SLC4A4: variants seen among roughly 807,000 people sequenced by gnomAD.
SLC4A4 encodes the protein electrogenic sodium bicarbonate cotransporter 1.
Under a neutral mutation model 111.5 loss-of-function variants are expected in SLC4A4, and 27 were observed. The observed-to-expected ratio is 0.24, with a 90% CI of 0.18 to 0.33. The LOEUF (loss-of-function observed/expected upper bound fraction) is 0.33, where lower values mean the gene tolerates loss of function less well. Among genes scored for constraint, SLC4A4 ranks in the 10% least tolerant of loss-of-function variants. The pLI is 1.00. For synonymous variants in SLC4A4, 443 were observed against 463.4 expected (o/e 0.96, Z 0.57); for missense variants, 909 against 1,315.5 (o/e 0.69, Z 4.78).
chr4:71,475,251 C>T (rs915135722), intron 14 of SLC4A4, among the ~76,000 whole-genome samples: 3 of 151,740 alleles, frequency 2.0e-5, no homozygotes, highest in Non-Finnish European at 4.4e-5. Context: ...TAATGTCAAC[C>T]CCATACCTAC....
intron 2 of SLC4A4, among the ~76,000 whole-genome samples, chr4:71,180,536 G>C (rs924993542): frequency 6.6e-6 from 1 of 152,130 alleles, no homozygotes; most frequent in Non-Finnish European, 1.5e-5. Context: ...CAAAAAGTGG[G>C]CAAAGGATAT....
intron 15 of SLC4A4, among the ~76,000 whole-genome samples, chr4:71,492,780 C>T (rs1730055576): frequency 6.6e-6 from 1 of 151,906 alleles, no homozygotes; most frequent in South Asian, 2.1e-4. Context: ...ACTCCTGCTG[C>T]CCTTTGAATA....
intron 23 of SLC4A4, 91 bp from the exon 24 acceptor site, chr4:71,563,702 T>C (rs1362329422): frequency 6.4e-5 from 54 of 842,168 alleles, no homozygotes; most frequent in Non-Finnish European, 1.1e-4. Context: ...AGTATGTAAA[T>C]GATTATAGAA....
chr4:71,425,914 A>G (rs546720796), intron 7 of SLC4A4, among the ~76,000 whole-genome samples: 1 of 152,210 alleles, frequency 6.6e-6, no homozygotes, highest in African/African-American at 2.4e-5. Context: ...TAGCAGACTT[A>G]AAAAGGTGCC....
chr4:71,479,631 T>C (rs891383784), intron 14 of SLC4A4, among the ~76,000 whole-genome samples: 4 of 151,730 alleles, frequency 2.6e-5, no homozygotes, highest in Non-Finnish European at 1.5e-5. Context: ...CATTCCCTCT[T>C]TATGAGGTAG....
chr4:71,416,404 A>G (rs1012468746), intron 7 of SLC4A4, among the ~76,000 whole-genome samples: 1 of 152,222 alleles, frequency 6.6e-6, no homozygotes, highest in African/African-American at 2.4e-5. Context: ...TTACGACAAT[A>G]TTGTATAATA....
At chr4:71,232,286 A>T (rs573204447) in intron 1 of SLC4A4, among the ~76,000 whole-genome samples, 29 of 152,348 alleles carry the variant, frequency 1.9e-4, no homozygotes, top group Admixed American at 1.8e-3. Context: ...TCTCTAATTC[A>T]GATGGAACAT....
intron 3 of SLC4A4, among the ~76,000 whole-genome samples, chr4:71,325,473 G>A (rs966622365): frequency 3.9e-5 from 6 of 151,922 alleles, no homozygotes; most frequent in African/African-American, 1.2e-4. Context: ...GTGGATCTAG[G>A]CATTAGAAAC....
intron 7 of SLC4A4, among the ~76,000 whole-genome samples, chr4:71,409,794 A>T (rs147466924): frequency 0.012 from 1,809 of 152,230 alleles, 42 homozygotes; most frequent in African/African-American, 0.041. Context: ...CCCTCCCATC[A>T]CAGGCCCAGA....
chr4:71,325,862 A>G (rs1198013676), intron 3 of SLC4A4, among the ~76,000 whole-genome samples: 1 of 151,828 alleles, frequency 6.6e-6, no homozygotes, highest in Non-Finnish European at 1.5e-5. Flanking sequence ...CTAACAGATG[A>G]CCACTACAAT....
intron 7 of SLC4A4, among the ~76,000 whole-genome samples, chr4:71,435,496 T>A (rs1205512817): frequency 1.3e-5 from 2 of 152,116 alleles, no homozygotes; most frequent in Non-Finnish European, 1.5e-5. Context: ...TACATAGGCA[T>A]AGGCAAAGAC....
At chr4:71,189,733 G>A (rs898539226) in intron 1 of SLC4A4, among the ~76,000 whole-genome samples, 1 of 152,216 alleles carries the variant, frequency 6.6e-6, no homozygotes, top group Non-Finnish European at 1.5e-5. Context: ...TATTGTTAGA[G>A]GAGAAGCGTC....
chr4:71,516,076 ATTTCTTTT>A (rs1476555033), intron 16 of SLC4A4, among the ~76,000 whole-genome samples: 28 of 54,534 alleles, frequency 5.1e-4, no homozygotes, highest in Admixed American at 9.1e-4. Context: ...GGTTTGGGGG[ATTTCTTTT>A]TTTTTTTTTT....
intron 18 of SLC4A4, among the ~76,000 whole-genome samples, chr4:71,539,453 T>C (rs900801113): frequency 9.9e-5 from 15 of 152,142 alleles, no homozygotes; most frequent in Admixed American, 8.5e-4. Flanking sequence ...CTTCAAATGC[T>C]AGCCAGTGCT....
At chr4:71,504,223 G>T (rs1412540897) in intron 16 of SLC4A4, among the ~76,000 whole-genome samples, 2 of 152,088 alleles carry the variant, frequency 1.3e-5, no homozygotes, top group Non-Finnish European at 2.9e-5. Flanking sequence ...GAGGTTTTCA[G>T]TCATTATTTT....
intron 2 of SLC4A4, among the ~76,000 whole-genome samples, chr4:71,099,313 A>G (rs1387103648): frequency 6.6e-6 from 1 of 152,188 alleles, no homozygotes; most frequent in Non-Finnish European, 1.5e-5. Context: ...AAAACCATGC[A>G]ATTTCATGGA....
At chr4:71,516,190 G>T (rs569027493) in intron 16 of SLC4A4, among the ~76,000 whole-genome samples, 27 of 131,980 alleles carry the variant, frequency 2.0e-4, no homozygotes, top group Middle Eastern at 5.3e-3. Context: ...CTGCCTCCCG[G>T]GTTCACGCCA....
chr4:71,350,100 AT>A (rs776249530), intron 5 of SLC4A4, 28 bp downstream of exon 5: 6 of 1,612,894 alleles, frequency 3.7e-6, no homozygotes, highest in South Asian at 1.1e-5. Context: ...ATTTTATCCT[AT>A]TTTTTTCGGC....
chr4:71,176,888 A>G (rs1178583682), intron 2 of SLC4A4, among the ~76,000 whole-genome samples: 1 of 152,220 alleles, frequency 6.6e-6, no homozygotes, highest in Non-Finnish European at 1.5e-5. Context: ...CAGATTCACC[A>G]AAGTTGAAAT....
Sources: gnomAD v4.1 joint callset for allele counts (sites outside exome capture counted in the v4.1 genomes callset) on GRCh38, gnomAD v4.1.1 for gene constraint, MANE v1.5 for transcripts, NCBI Gene and HGNC (gene_info 2026-07-23, HGNC 2026-07-21) for gene names.